SRCAP: variants seen among roughly 807,000 people sequenced by gnomAD.
The protein encoded by SRCAP is Snf2 related CREBBP activator protein.
In SRCAP, 46 loss-of-function variants were observed where a neutral mutation model predicts 263.1. The ratio of observed to expected loss-of-function variants is 0.17; its 90% CI spans 0.14 to 0.22. The LOEUF (loss-of-function observed/expected upper bound fraction) is 0.22. SRCAP is among the 10% of genes least tolerant of loss of function. The pLI is 1.00. For missense variants in SRCAP, 3,695 were observed against 4,181.9 expected, an observed-to-expected ratio of 0.88 and a Z score of 3.21; for synonymous variants, 1,813 against 1,662.1, an observed-to-expected ratio of 1.09 and a Z score of -2.21.
intron 13 of SRCAP, 23 bp from the exon 14 acceptor site, chr16:30,712,656 T>C (rs1310013875): frequency 2.5e-6 from 4 of 1,613,708 alleles, no homozygotes; most frequent in Non-Finnish European, 3.4e-6. Context: ...TTCCTTACCA[T>C]CTCTGATTTT....
chr16:30,739,949 G>T lies in SRCAP; in HGVS notation c.*216G>T. ...CTTCCCCTTCACCCCACGTGGCTGG[G>T]CAGTGTTAAGGGTGGCAAGATAGTC... On this transcript the variant is annotated 3_prime_UTR_variant, in exon 34 of 34. Transcript: ENST00000262518. 1 of 696,382 alleles carries T rather than the reference G, an allele frequency of 1.4e-6. No individual in the cohort carries two copies. Among genetic ancestry groups the T allele is most frequent in the South Asian group, 3.3e-5 (1 of 30,686 alleles). The allele number at this position is 696,382 out of a possible 1,614,324, so 43.1% of individuals were successfully genotyped here. A position where few individuals can be genotyped will look rare whatever the true frequency, so the allele number is the denominator to read the frequency against.
In SRCAP at chr16:30,733,510, AT is replaced by A; in HGVS notation, c.6297+64del. 1 of 1,607,674 alleles carries A rather than the reference AT, an allele frequency of 6.2e-7. No individual in the cohort carries two copies. Among genetic ancestry groups the A allele is most frequent in the South Asian group, 1.1e-5 (1 of 90,586 alleles). On this transcript the variant is annotated intron_variant, in intron 28 of 33. Transcript: ENST00000262518. This position sits in a 1 kb window ranked among gnomAD's most constrained non-coding sequence, Gnocchi z 5.3. Reference sequence around the variant, plus strand: ...TCCGCTTCTCTCTCCTTTTCCCAGGATTTGGGCTTCCAGACGGGGTGCCACT... The same window carrying A: ...TCCGCTTCTCTCTCCTTTTCCCAGGATTGGGCTTCCAGACGGGGTGCCACT...
At chr16:30,701,158 G>T (rs2052761900) in intron 3 of SRCAP, among the ~76,000 whole-genome samples, 1 of 152,104 alleles carries the variant, frequency 6.6e-6, no homozygotes, top group Non-Finnish European at 1.5e-5. Context: ...AATACCATAC[G>T]CTTTAAGAAT....
At chr16:30,705,774 T>G (rs1311752560) in intron 4 of SRCAP, among the ~76,000 whole-genome samples, 2 of 151,694 alleles carry the variant, frequency 1.3e-5, no homozygotes, top group South Asian at 2.1e-4. Flanking sequence ...TGGCATGATC[T>G]CGGCTCACTG....
At position 30,723,003 on chromosome 16, in the gene SRCAP, T is replaced by A. The variant is rs1314321482; in HGVS notation, c.3933T>A (p.Ile1311=). 1 of 1,613,774 alleles carries A rather than the reference T, an allele frequency of 6.2e-7. No individual in the cohort carries two copies. Among genetic ancestry groups the A allele is most frequent in the African/African-American group, 1.3e-5 (1 of 74,884 alleles). ...TGAATAATACAGGCGTGGTGAAGAT[T>A]GTAGTGAGACAAGCCCCTCGGGATG... ...TMVNNTGVVK[I]VVRQAPRDGL... is the part of the protein sequence containing the mutation. The change falls in exon 24 of 34, where the codon ATT becomes ATA. Residue 1311 remains isoleucine, a synonymous_variant. Coordinates refer to ENST00000262518, the MANE Select transcript of SRCAP (RefSeq NM_006662.3).
At chr16:30,715,980 G>A (rs1596650539) in intron 16 of SRCAP, 86 bp from the exon 17 acceptor site, 21 of 1,551,692 alleles carry the variant, frequency 1.4e-5, no homozygotes, top group South Asian at 1.2e-5. Flanking sequence ...TGTGCCGTAT[G>A]ACTCCATTAG....
intron 18 of SRCAP, among the ~76,000 whole-genome samples, chr16:30,717,662 G>C (rs1212602579): frequency 7.5e-6 from 1 of 133,960 alleles, no homozygotes; most frequent in African/African-American, 2.7e-5. Flanking sequence ...CCTCAGGCTG[G>C]AGTGCAGTGG....
At chr16:30,709,429 A>T in intron 6 of SRCAP, 84 bp from the exon 7 acceptor site, 1 of 1,454,662 alleles carries the variant, frequency 6.9e-7, no homozygotes, top group Non-Finnish European at 9.6e-7. Flanking sequence ...GGATCTGGTT[A>T]AAGAAGGTCT....
chr16:30,727,511 C>T (rs917227254), intron 25 of SRCAP, among the ~76,000 whole-genome samples: 8 of 152,134 alleles, frequency 5.3e-5, no homozygotes, highest in African/African-American at 9.7e-5. Context: ...CTCAGCCCTC[C>T]AAGTAGCTGG....
intron 27 of SRCAP, among the ~76,000 whole-genome samples, chr16:30,731,997 T>C (rs1403542902): frequency 6.7e-6 from 1 of 148,302 alleles, no homozygotes; most frequent in Non-Finnish European, 1.5e-5. Context: ...ATACAAAAAT[T>C]AGCCAGGCGT....
chr16:30,737,612 C>T lies in SRCAP; in HGVS notation c.7572C>T (p.Ser2524=), dbSNP rs769282513. ...PPAQTCLVTP[S]SPLLLGPPSV... Reference sequence around the variant, plus strand: ...CCCAAACCTGTCTTGTAACTCCTTCCTCTCCTCTCTTGCTTGGTCCACCTT... The same window carrying T: ...CCCAAACCTGTCTTGTAACTCCTTCTTCTCCTCTCTTGCTTGGTCCACCTT... The change falls in exon 34 of 34, where the codon TCC becomes TCT. Residue 2524 remains serine, a synonymous_variant. Transcript: ENST00000262518. 19 of 1,613,928 alleles carry T rather than the reference C, an allele frequency of 1.2e-5. No homozygotes were observed. The highest frequency in any genetic ancestry group is 6.7e-5 in the East Asian group (3 of 44,888).
chr16:30,739,546 T>C lies in SRCAP; in HGVS notation c.9506T>C (p.Val3169Ala), dbSNP rs1323938137. The C allele has an allele frequency of 6.2e-7, 1 of 1,610,294 alleles. No homozygotes were observed. The change falls in exon 34 of 34, where the codon GTA becomes GCA. Residue 3169 changes from valine to alanine, a missense_variant. Physicochemically the swap from Val to Ala is moderately conservative, Grantham distance 64. Coordinates refer to ENST00000262518, the MANE Select transcript of SRCAP (RefSeq NM_006662.3). ...PPSPLGPEGS[V>A]EESEAEASGE... is the part of the protein sequence containing the mutation. ...AGTCCCCTGGGGCCTGAGGGTTCAG[T>C]AGAGGAGTCTGAGGCTGAAGCCTCA...
chr16:30,701,413 A>G (rs1243069564), intron 3 of SRCAP: 7 of 152,440 alleles, frequency 4.6e-5, no homozygotes, highest in East Asian at 1.9e-4. Context: ...CAGTTTTAGT[A>G]TATGTGTTGC....
In SRCAP at chr16:30,737,526, TCTC is replaced by T. The variant is rs1228928979; in HGVS notation, c.7489_7491del (p.Pro2497del). ...TCCTTCACAGATTCCTCCTTGTTCT[TCTC>T]CTGCCTGCACCCCTCCTCCTGCCTG... is the stretch of plus-strand genomic sequence containing the variant. On this transcript the variant is annotated inframe_deletion, in exon 34 of 34. Coordinates refer to ENST00000262518, the MANE Select transcript of SRCAP (RefSeq NM_006662.3). 1.2e-6 allele frequency: 2 copies of T among 1,606,780 alleles called. No individual in the cohort carries two copies. The highest frequency in any genetic ancestry group is 1.7e-6 in the Non-Finnish European group (2 of 1,173,590).
At position 30,721,426 on chromosome 16, in the gene SRCAP, C is replaced by T. The variant is rs2053010483; in HGVS notation, c.3491C>T (p.Pro1164Leu). 1 of 1,613,246 alleles carries T rather than the reference C, an allele frequency of 6.2e-7. No individual in the cohort carries two copies. The highest frequency in any genetic ancestry group is 2.2e-5 in the East Asian group (1 of 44,886). The change falls in exon 21 of 34, where the codon CCT (proline) becomes CTT (leucine). Residue 1164 changes from proline to leucine, a missense_variant. Physicochemically the swap from Pro to Leu is moderately conservative, Grantham distance 98. Transcript: ENST00000262518. ...ACCACAGCAGTGCCAGCTCCGACTCCTGCACCACAGCGCCTCATTCTATCT... is the reference window on the plus strand; with the variant it reads ...ACCACAGCAGTGCCAGCTCCGACTCTTGCACCACAGCGCCTCATTCTATCT... Reference protein sequence around the residue: ...ATTTAVPAPTPAPQRLILSPD... With the variant: ...ATTTAVPAPTLAPQRLILSPD...
rs748126519 is a variant in SRCAP at position 30,736,329 on chromosome 16, C to T, written c.6859C>T (p.Arg2287Trp). 1.9e-6 allele frequency: 3 copies of T among 1,614,056 alleles called. No homozygotes were observed. Among genetic ancestry groups the T allele is most frequent in the African/African-American group, 1.3e-5 (1 of 74,998 alleles). The change falls in exon 32 of 34, where the codon CGG becomes TGG. Residue 2287 changes from arginine to tryptophan, a missense_variant. Around this residue, in one of 12 missense-constraint regions of SRCAP, gnomAD observed 91 missense variants for 150.6 expected, o/e 0.60. Coordinates refer to ENST00000262518, the MANE Select transcript of SRCAP (RefSeq NM_006662.3). Reference sequence around the variant, plus strand: ...TGCTGGTGAGGGAGAGGAAGCTGGCCGGCCTGGGGCTGAGGATGAGGAGAT... The same window carrying T: ...TGCTGGTGAGGGAGAGGAAGCTGGCTGGCCTGGGGCTGAGGATGAGGAGAT... ...FPAGEGEEAG[R>W]PGAEDEEMSR...
Position 30,707,254 on chromosome 16 carries a change from G to A in SRCAP, c.378G>A (p.Lys126=). ...TCTGGTCACTGAAGAGGCTGCCTAA[G>A]GTGCCAGAGCCCCCTCGCCCCAAAG... is the stretch of plus-strand genomic sequence containing the variant. ...EGFWSLKRLP[K]VPEPPRPKGH... The change falls in exon 5 of 34, where the codon AAG becomes AAA. Residue 126 remains lysine (K), a synonymous_variant. Transcript: ENST00000262518. The A allele has an allele frequency of 6.2e-7, 1 of 1,614,154 alleles. No homozygotes were observed. Among genetic ancestry groups the A allele is most frequent in the Non-Finnish European group, 8.5e-7 (1 of 1,180,032 alleles).
chr16:30,738,181 C>T lies in SRCAP; in HGVS notation c.8141C>T (p.Pro2714Leu), dbSNP rs145133516. ...TCAGCCACTTCCTCGCCTGAGGGTC[C>T]TTCACCTGCCCGACCTCCTCGGCGT... ...SSSATSSPEGPSPARPPRRRT... is the reference protein window; with the variant it reads ...SSSATSSPEGLSPARPPRRRT... The change falls in exon 34 of 34, where the codon CCT becomes CTT. Residue 2714 changes from proline (P) to leucine (L), a missense_variant. Pro to Leu is a moderately conservative substitution (Grantham distance 98). This residue lies in a region of SRCAP where 1,207 missense variants were observed against 1,142.9 expected (regional missense o/e 1.06). Transcript: ENST00000262518. 6.2e-7 allele frequency: 1 copy of T among 1,614,200 alleles called. No homozygotes were observed. The highest frequency in any genetic ancestry group is 2.2e-5 in the East Asian group (1 of 44,884).
Position 30,723,021 on chromosome 16 carries a change from T to C in SRCAP, c.3951T>C (p.Pro1317=). The C allele has an allele frequency of 6.2e-7, 1 of 1,614,018 alleles. No individual in the cohort carries two copies. The highest frequency in any genetic ancestry group is 2.2e-5 in the East Asian group (1 of 44,866). Residue 1317 remains proline (P), a synonymous_variant, in exon 24 of 34, where the codon CCT becomes CCC. Coordinates refer to ENST00000262518, the MANE Select transcript of SRCAP (RefSeq NM_006662.3). The stretch of plus-strand genomic sequence containing the variant: ...TGAAGATTGTAGTGAGACAAGCCCC[T>C]CGGGATGGACTGACTCCTGTTCCTC... The part of the protein sequence containing the change: ...GVVKIVVRQA[P]RDGLTPVPPL...
Sources: allele counts gnomAD v4.1 joint callset (sites outside exome capture counted in the v4.1 genomes callset), GRCh38; gene constraint gnomAD v4.1.1; regional missense constraint gnomAD v4.1.1; non-coding constraint Gnocchi (gnomAD v3.1); transcripts MANE v1.5; gene names NCBI Gene and HGNC (gene_info 2026-07-23, HGNC 2026-07-21).